The following PPP1R12C variants were observed in gnomAD, a reference collection of about 807,000 sequenced individuals.
PPP1R12C encodes leukocyte receptor cluster (LRC) encoded novel gene 3.
In PPP1R12C, 48 loss-of-function variants were observed where a neutral mutation model predicts 95.6. The observed-to-expected ratio is 0.50, with a 90% CI of 0.40 to 0.64. The LOEUF (loss-of-function observed/expected upper bound fraction) is 0.64, where lower values mean the gene tolerates loss of function less well. Ranked by LOEUF, PPP1R12C falls within the 30% of genes least tolerant of loss-of-function variation. The pLI is 0.00. For synonymous variants in PPP1R12C, 480 were observed against 460.8 expected (o/e 1.04, Z -0.53); for missense variants, 1,057 against 1,083.3 (o/e 0.98, Z 0.34).
chr19:55,112,149 A>G (rs2085102498), intron 3 of PPP1R12C: 1 of 268,524 alleles, frequency 3.7e-6, no homozygotes, highest in African/African-American at 2.2e-5. Context: ...CAGCAATCCT[A>G]CCTAACGCAC....
At chr19:55,100,489 A>G (rs1008083865) in intron 4 of PPP1R12C, among the ~76,000 whole-genome samples, 4 of 152,232 alleles carry the variant, frequency 2.6e-5, no homozygotes, top group Non-Finnish European at 4.4e-5. Context: ...TGTCTTGTTT[A>G]CCCATTTCCC....
chr19:55,104,214 A>ACC, intron 3 of PPP1R12C, among the ~76,000 whole-genome samples: 1 of 142,204 alleles, frequency 7.0e-6, no homozygotes. Flanking sequence ...ACACACACAC[A>ACC]TACAAAAATA....
Position 55,109,241 on chromosome 19 carries a change from T to C in PPP1R12C, c.571+3226A>G, listed in dbSNP as rs6509924. ...TCAGCCTACTGAGTAGCTGGGAGCG[T>C]ACGTGCATTCCCACGCCTGGCTAAT... On this transcript the variant is annotated intron_variant, in intron 3 of 21. Coordinates refer to ENST00000263433, the MANE Select transcript of PPP1R12C (RefSeq NM_017607.4). The surrounding 1 kb of genome is among the most constrained non-coding windows in gnomAD (Gnocchi z 4.4). Among the ~76,000 whole-genome samples, 13,980 of 152,204 alleles carry C rather than the reference T, an allele frequency of 0.092. 2,092 individuals are homozygous for C. Among genetic ancestry groups the C allele is most frequent in the African/African-American group, 0.32 (13,160 of 41,478 alleles).
chr19:55,108,611 G>T (rs1413082989), intron 3 of PPP1R12C, among the ~76,000 whole-genome samples: 1 of 152,220 alleles, frequency 6.6e-6, no homozygotes, highest in East Asian at 1.9e-4. Flanking sequence ...CGTGGAATCA[G>T]ACAGTAATTG....
chr19:55,097,808 T>A (rs1020687472), intron 6 of PPP1R12C, among the ~76,000 whole-genome samples: 1 of 152,064 alleles, frequency 6.6e-6, no homozygotes, highest in Non-Finnish European at 1.5e-5. Context: ...CAGGCTGGTC[T>A]CCCCCCATAT....
At chr19:55,095,714 C>T in intron 9 of PPP1R12C, 111 bp from the exon 10 acceptor site, 3 of 1,509,040 alleles carry the variant, frequency 2.0e-6, no homozygotes, top group South Asian at 1.2e-5. Context: ...GCCCCCGGGG[C>T]AGGCACAGCC....
chr19:55,108,654 C>T (rs2085063896), intron 3 of PPP1R12C, among the ~76,000 whole-genome samples: 1 of 152,188 alleles, frequency 6.6e-6, no homozygotes. Flanking sequence ...TCACTTTTCA[C>T]TTAGCATAAT....
Position 55,092,496 on chromosome 19 carries a change from G to A in PPP1R12C, c.2001C>T (p.Asp667=). ...PSARRQRWQR[D]LNPEPEPESE... is the part of the protein sequence containing the mutation. ...ATTCTGGCTCAGGTTCTGGGTTGAGGTCCCGCTGCCACCGCTGCCTGCGGG... is the reference window on the plus strand; with the variant it reads ...ATTCTGGCTCAGGTTCTGGGTTGAGATCCCGCTGCCACCGCTGCCTGCGGG... The change falls in exon 18 of 22, where the codon GAC becomes GAT. Residue 667 remains aspartate (D), a synonymous_variant. Coordinates refer to ENST00000263433, the MANE Select transcript of PPP1R12C (RefSeq NM_017607.4). The A allele has an allele frequency of 6.2e-7, 1 of 1,609,876 alleles. No individual in the cohort carries two copies. Among genetic ancestry groups the A allele is most frequent in the Non-Finnish European group, 8.5e-7 (1 of 1,178,524 alleles).
At position 55,113,608 on chromosome 19, in the gene PPP1R12C, G is replaced by A. The variant is rs542897525; in HGVS notation, c.322-813C>T. The A allele has an allele frequency of 4.9e-5, 63 of 1,284,642 alleles. No homozygotes were observed. In the Middle Eastern group the frequency reaches 8.3e-4, roughly 17 times the overall value. 79.6% of individuals were successfully genotyped at this position (1,284,642 alleles called of 1,614,324 possible). A position where few individuals can be genotyped will look rare whatever the true frequency, so the allele number is the denominator to read the frequency against. ...GGGCTCCGGGACCTGAACTGGAGCT[G>A]AGGAAGGAGTGAAGCTAAACTCCTA... On this transcript the variant is annotated intron_variant, in intron 1 of 21. Coordinates refer to ENST00000263433, the MANE Select transcript of PPP1R12C (RefSeq NM_017607.4).
rs563376122 is a variant in PPP1R12C, at chr19:55,097,346, C to T, written c.952-1011G>A. ...TCACCCCTTCCCTGCAGTTCACCAC[C>T]GTCTTCGCCCCTTCCCCGCAGTTCA... On this transcript the variant is annotated intron_variant, in intron 6 of 21. Coordinates refer to ENST00000263433, the MANE Select transcript of PPP1R12C (RefSeq NM_017607.4). Among the ~76,000 whole-genome samples, 34 of 115,076 alleles carry T rather than the reference C, an allele frequency of 3.0e-4. 1 individual carries two copies. Among genetic ancestry groups the T allele is most frequent in the Non-Finnish European group, 5.6e-5 (3 of 53,330 alleles). 75.5% of individuals were successfully genotyped at this position (115,076 alleles called of 152,430 possible). A position where few individuals can be genotyped will look rare whatever the true frequency, so the allele number is the denominator to read the frequency against.
At chr19:55,108,576 T>C (rs1362957185) in intron 3 of PPP1R12C, among the ~76,000 whole-genome samples, 3 of 152,254 alleles carry the variant, frequency 2.0e-5, no homozygotes, top group African/African-American at 7.2e-5. Flanking sequence ...CTCCATTATT[T>C]TGACTATTCT....
chr19:55,095,546 C>A lies in PPP1R12C; in HGVS notation c.1285G>T (p.Gly429Cys). The A allele has an allele frequency of 6.3e-7, 1 of 1,593,332 alleles. No individual in the cohort carries two copies. ...RFGLLKTGSS[G>C]ALGPPERRTA... ...CGCCTTTCAGGGGGACCCAGGGCACCAGAACTCCCTGTCTTCAGGAGGCCA... is the reference window on the plus strand; with the variant it reads ...CGCCTTTCAGGGGGACCCAGGGCACAAGAACTCCCTGTCTTCAGGAGGCCA... Residue 429 changes from glycine (G) to cysteine (C), a missense_variant, in exon 10 of 22, where the codon GGT becomes TGT. Gly to Cys is a radical substitution (Grantham distance 159). Coordinates refer to ENST00000263433, the MANE Select transcript of PPP1R12C (RefSeq NM_017607.4).
chr19:55,091,637 C>T lies in PPP1R12C; in HGVS notation c.2262+13G>A, dbSNP rs774534486. The T allele has an allele frequency of 6.2e-7, 1 of 1,610,854 alleles. No individual in the cohort carries two copies. The highest frequency in any genetic ancestry group is 8.5e-7 in the Non-Finnish European group (1 of 1,178,874). ...ACCCTCGGCCCTCTGCCCACAGCCC[C>T]CACAGCCCCCACCTTCAGCTCCTCC... On this transcript the variant is annotated intron_variant, in intron 21 of 21. Coordinates refer to ENST00000263433, the MANE Select transcript of PPP1R12C (RefSeq NM_017607.4).
intron 6 of PPP1R12C, among the ~76,000 whole-genome samples, chr19:55,097,669 G>A (rs12986340): frequency 0.92 from 125,647 of 136,500 alleles, 57,804 homozygotes; most frequent in East Asian, 0.99. Context: ...CACCGTCTTC[G>A]CCCCTTCCCC....
rs372522834 is a variant in PPP1R12C, at chr19:55,091,454, C to T, written c.*18G>A. 2.9e-5 allele frequency: 46 copies of T among 1,607,390 alleles called. No individual in the cohort carries two copies. Among genetic ancestry groups the T allele is most frequent in the Admixed American group, 3.3e-5 (2 of 59,888 alleles). On this transcript the variant is annotated 3_prime_UTR_variant, in exon 22 of 22. Coordinates refer to ENST00000263433, the MANE Select transcript of PPP1R12C (RefSeq NM_017607.4). ...AGAAGCAGCTGTATAAATACGGGTGCGGGAAAGTCCCTCCGGGTCACTTGG... is the reference window on the plus strand; with the variant it reads ...AGAAGCAGCTGTATAAATACGGGTGTGGGAAAGTCCCTCCGGGTCACTTGG...
chr19:55,112,272 T>C lies in PPP1R12C; in HGVS notation c.571+195A>G, dbSNP rs1379599343. On this transcript the variant is annotated intron_variant, in intron 3 of 21. Coordinates refer to ENST00000263433, the MANE Select transcript of PPP1R12C (RefSeq NM_017607.4). Reference sequence around the variant, plus strand: ...GGGGTTTGAGTTCTCATCCTGTGCGTGTGCTGGGCTCCAAGCAATCCTGGA... The same window carrying C: ...GGGGTTTGAGTTCTCATCCTGTGCGCGTGCTGGGCTCCAAGCAATCCTGGA... 11 of 379,528 alleles carry C rather than the reference T, an allele frequency of 2.9e-5. No individual in the cohort carries two copies. The East Asian group carries it at 4.2e-4, about 14-fold the overall frequency. 23.5% of individuals were successfully genotyped at this position (379,528 alleles called of 1,614,324 possible). A position where few individuals can be genotyped will look rare whatever the true frequency, so the allele number is the denominator to read the frequency against.
rs543847651 is a variant in PPP1R12C at position 55,096,121 on chromosome 19, C to T, written c.1083G>A (p.Lys361=). The change falls in exon 8 of 22, where the codon AAG becomes AAA. Residue 361 remains lysine, a synonymous_variant. Coordinates refer to ENST00000263433, the MANE Select transcript of PPP1R12C (RefSeq NM_017607.4). ...REKISLQDLS[K]ERRPGGAGGP... The stretch of plus-strand genomic sequence containing the variant: ...CCCCAGCCCCACCAGGCCGGCGCTC[C>T]TTGGACAAGTCCTGGAGGGAAATCT... 9 of 1,599,218 alleles carry T rather than the reference C, an allele frequency of 5.6e-6. No homozygotes were observed. The South Asian group carries it at 9.0e-5, about 16-fold the overall frequency.
At position 55,092,831 on chromosome 19, in the gene PPP1R12C, C is replaced by T. The variant is rs377249222; in HGVS notation, c.1863G>A (p.Ala621=). 2.7e-5 allele frequency: 43 copies of T among 1,567,588 alleles called. No individual in the cohort carries two copies. The highest frequency in any genetic ancestry group is 3.3e-5 in the Non-Finnish European group (38 of 1,156,720). The part of the protein sequence containing the change: ...APDGQGPGPQ[A]AREHRKVGKE... The stretch of plus-strand genomic sequence containing the variant: ...TTCCGACCTTGCGGTGCTCCCTGGC[C>T]GCCTGCGGTCCCGGACCCTGCCCGT... Residue 621 remains alanine (A), a synonymous_variant, in exon 16 of 22, where the codon GCG becomes GCA. Transcript: ENST00000263433.
chr19:55,101,403 T>C (rs2084977386), intron 4 of PPP1R12C, among the ~76,000 whole-genome samples: 1 of 152,178 alleles, frequency 6.6e-6, no homozygotes, highest in Non-Finnish European at 1.5e-5. Context: ...CTACTAACAG[T>C]ACCCACACAG....
Sources: gnomAD v4.1 joint callset for allele counts (sites outside exome capture counted in the v4.1 genomes callset) on GRCh38, gnomAD v4.1.1 for gene constraint, Gnocchi (gnomAD v3.1) non-coding constraint, MANE v1.5 for transcripts, NCBI Gene and HGNC (gene_info 2026-07-23, HGNC 2026-07-21) for gene names.